The following VPS13D variants were observed in gnomAD, a reference collection of about 807,000 sequenced individuals.
VPS13D encodes the protein vacuolar protein sorting 13 homolog D.
VPS13D carries 187 observed loss-of-function variants against 461.9 expected under a neutral mutation model. The observed-to-expected ratio is 0.40, with a 90% CI of 0.36 to 0.46. VPS13D has a LOEUF of 0.46. VPS13D is among the 20% of genes least tolerant of loss of function. The pLI is 0.60. For missense variants in VPS13D, 4,711 were observed against 5,364.9 expected, an observed-to-expected ratio of 0.88 and a Z score of 3.81; for synonymous variants, 1,951 against 1,986.3, an observed-to-expected ratio of 0.98 and a Z score of 0.47.
intron 24 of VPS13D, among the ~76,000 whole-genome samples, chr1:12,296,004 A>G (rs1642265164): frequency 6.6e-6 from 1 of 152,172 alleles, no homozygotes; most frequent in Non-Finnish European, 1.5e-5. Context: ...TGTGTTGATA[A>G]GATTCATTCA....
chr1:12,449,321 C>G (rs1645232361), intron 65 of VPS13D, among the ~76,000 whole-genome samples: 1 of 152,040 alleles, frequency 6.6e-6, no homozygotes, highest in East Asian at 1.9e-4. Context: ...GACAAAAGCA[C>G]TCCTCTTCTA....
Position 12,260,696 on chromosome 1 carries a change from G to T in VPS13D, c.1114G>T (p.Glu372Ter). The T allele has an allele frequency of 1.2e-6, 2 of 1,614,096 alleles. No homozygotes were observed. The highest frequency in any genetic ancestry group is 1.1e-5 in the South Asian group (1 of 91,064). Residue 372 changes from glutamate to a stop codon, truncating the protein, a stop_gained, in exon 11 of 70, where the codon GAA becomes TAA. Coordinates refer to ENST00000620676, the MANE Select transcript of VPS13D (RefSeq NM_015378.4). LOFTEE classifies it high-confidence loss of function. ...GCTTTTGTTTTCACCCAAACAGGAG[G>T]AAATGTGTCGGATTGAAGAGGAACA... ...GGLLSTDDKE[E>*]MCRIEEEQSF...
In VPS13D at chr1:12,260,778, A is replaced by T. The variant is rs370704795; in HGVS notation, c.1196A>T (p.Gln399Leu). 6.2e-7 allele frequency: 1 copy of T among 1,614,242 alleles called. No individual in the cohort carries two copies. The highest frequency in any genetic ancestry group is 8.5e-7 in the Non-Finnish European group (1 of 1,180,034). The change falls in exon 11 of 70, where the codon CAG (glutamine) becomes CTG (leucine). Residue 399 changes from glutamine to leucine, a missense_variant. By Grantham distance (113) the Gln-to-Leu change is moderately radical. Transcript: ENST00000620676. ...RELVHDRFHK[Q>L]EELAESLREP... is the part of the protein sequence containing the mutation. ...CTGGTTCATGATCGATTTCACAAACAGGAAGAACTAGCAGAGGTAAGAAAT... is the reference window on the plus strand; with the variant it reads ...CTGGTTCATGATCGATTTCACAAACTGGAAGAACTAGCAGAGGTAAGAAAT...
chr1:12,346,488 C>G (rs1484308372), intron 43 of VPS13D, 117 bp from the exon 44 acceptor site: 6 of 958,292 alleles, frequency 6.3e-6, no homozygotes, highest in Non-Finnish European at 1.6e-6. Flanking sequence ...GTAGACTATA[C>G]TTTACTTGAA....
intron 65 of VPS13D, among the ~76,000 whole-genome samples, chr1:12,440,615 C>T (rs2100339631): frequency 6.6e-6 from 1 of 152,316 alleles, no homozygotes; most frequent in Non-Finnish European, 1.5e-5. Flanking sequence ...GTGGCTCACA[C>T]CTGTAATCCC....
chr1:12,485,674 G>A (rs1645788437), intron 67 of VPS13D, among the ~76,000 whole-genome samples: 1 of 152,050 alleles, frequency 6.6e-6, no homozygotes, highest in Non-Finnish European at 1.5e-5. Flanking sequence ...TGGGGGGGTG[G>A]GCCCGCAGGG....
At chr1:12,267,777 TG>T (rs1641316677) in intron 14 of VPS13D, 67 bp from the exon 15 acceptor site, 8 of 1,387,380 alleles carry the variant, frequency 5.8e-6, no homozygotes, top group Non-Finnish European at 8.2e-6. Flanking sequence ...AAGGGTAAGA[TG>T]GGTTTGTTTA....
At position 12,283,692 on chromosome 1, in the gene VPS13D, G is replaced by C; in HGVS notation, c.5590G>C (p.Glu1864Gln). 1.2e-6 allele frequency: 2 copies of C among 1,614,182 alleles called. No individual in the cohort carries two copies. The highest frequency in any genetic ancestry group is 2.2e-5 in the South Asian group (2 of 91,076). The change falls in exon 21 of 70, where the codon GAG (glutamate) becomes CAG (glutamine). Residue 1864 changes from glutamate to glutamine, a missense_variant. Physicochemically the swap from Glu to Gln is conservative, Grantham distance 29 (BLOSUM62 2). Around this residue, in one of 3 missense-constraint regions of VPS13D, gnomAD observed 4,411 missense variants for 4,937.8 expected, o/e 0.89. Coordinates refer to ENST00000620676, the MANE Select transcript of VPS13D (RefSeq NM_015378.4). ...GAAGTTGGAGCCACATGCCTCCATGGAGTCTGGACTTCAGGATCCAGTGAA... is the reference window on the plus strand; with the variant it reads ...GAAGTTGGAGCCACATGCCTCCATGCAGTCTGGACTTCAGGATCCAGTGAA... ...NVKLEPHASMESGLQDPVNTK... is the reference protein window; with the variant it reads ...NVKLEPHASMQSGLQDPVNTK...
chr1:12,340,177 G>A (rs1411812101), intron 40 of VPS13D, among the ~76,000 whole-genome samples: 3 of 152,016 alleles, frequency 2.0e-5, no homozygotes, highest in South Asian at 4.1e-4. Context: ...TCTACTTGAT[G>A]AGCACTAATT....
intron 40 of VPS13D, among the ~76,000 whole-genome samples, chr1:12,340,552 G>T (rs1643546393): frequency 6.6e-6 from 1 of 152,254 alleles, no homozygotes; most frequent in Non-Finnish European, 1.5e-5. Flanking sequence ...TCTGGAGGTT[G>T]CAGAAGGCAG....
At chr1:12,349,554 G>C (rs1274064670) in intron 46 of VPS13D, among the ~76,000 whole-genome samples, 180 bp downstream of exon 46, 1 of 152,086 alleles carries the variant, frequency 6.6e-6, no homozygotes, top group Non-Finnish European at 1.5e-5. Flanking sequence ...ACGGTTGGTG[G>C]GGTCTGGGGA....
At chr1:12,438,102 A>G (rs1166281165) in intron 65 of VPS13D, among the ~76,000 whole-genome samples, 1 of 152,124 alleles carries the variant, frequency 6.6e-6, no homozygotes, top group Non-Finnish European at 1.5e-5. Flanking sequence ...GTAGCTCATC[A>G]CTTATGTCCT....
intron 9 of VPS13D, among the ~76,000 whole-genome samples, chr1:12,257,453 A>G (rs1358564552): frequency 6.6e-6 from 1 of 152,208 alleles, no homozygotes; most frequent in East Asian, 1.9e-4. Flanking sequence ...CAACATTTAC[A>G]TAGTACTCTT....
intron 37 of VPS13D, among the ~76,000 whole-genome samples, chr1:12,330,180 T>C (rs1429324880): frequency 6.6e-6 from 1 of 152,098 alleles, no homozygotes; most frequent in African/African-American, 2.4e-5. Flanking sequence ...TTTGGGAGGC[T>C]GAGGAGGGCG....
rs754414797 is a variant in VPS13D at position 12,502,553 on chromosome 1, G to A, written c.12795-4300G>A. On this transcript the variant is annotated intron_variant, in intron 68 of 69. Coordinates refer to ENST00000620676, the MANE Select transcript of VPS13D (RefSeq NM_015378.4). The surrounding 1 kb of genome is among the most constrained non-coding windows in gnomAD (Gnocchi z 4.3). ...GGGTGGGTAACGCCTAGGGGTAGAG[G>A]AGCCTGTTCCAGGAGCTCTGAGTCA... Among the ~76,000 whole-genome samples, 12 of 151,860 alleles carry A rather than the reference G, an allele frequency of 7.9e-5. No individual in the cohort carries two copies. Among genetic ancestry groups the A allele is most frequent in the Non-Finnish European group, 1.0e-4 (7 of 67,984 alleles).
intron 67 of VPS13D, among the ~76,000 whole-genome samples, chr1:12,467,403 C>A (rs1469061396): frequency 6.6e-6 from 1 of 152,212 alleles, no homozygotes; most frequent in East Asian, 1.9e-4. Flanking sequence ...AACTCCTGAC[C>A]TCATGATCTG....
At chr1:12,497,396 A>G in intron 67 of VPS13D, 104 bp from the exon 68 acceptor site, 2 of 1,373,736 alleles carry the variant, frequency 1.5e-6, no homozygotes, top group Non-Finnish European at 2.0e-6. Flanking sequence ...CACTAAATGT[A>G]AAGTATGTCT....
At chr1:12,387,496 T>G (rs2101657184) in intron 60 of VPS13D, among the ~76,000 whole-genome samples, 2 of 152,204 alleles carry the variant, frequency 1.3e-5, no homozygotes, top group Middle Eastern at 6.8e-3. Flanking sequence ...GATGTTAGAA[T>G]TTTTGGAGGA....
intron 2 of VPS13D, among the ~76,000 whole-genome samples, chr1:12,236,777 T>A (rs1213229515): frequency 6.6e-6 from 1 of 152,210 alleles, no homozygotes; most frequent in Non-Finnish European, 1.5e-5. Flanking sequence ...GGTATTGATT[T>A]TTTTAGCTAA....
Sources: allele counts gnomAD v4.1 joint callset (sites outside exome capture counted in the v4.1 genomes callset), GRCh38; gene constraint gnomAD v4.1.1; regional missense constraint gnomAD v4.1.1; non-coding constraint Gnocchi (gnomAD v3.1); transcripts MANE v1.5; gene names NCBI Gene and HGNC (gene_info 2026-07-23, HGNC 2026-07-21).